The following SYNGR1 variants were observed in gnomAD, a reference collection of about 807,000 sequenced individuals.
The protein encoded by SYNGR1 is synaptogyrin-1.
A neutral mutation model predicts 26.1 loss-of-function variants in SYNGR1; 14 were observed. That is an observed-to-expected ratio of 0.54 (90% CI 0.35 to 0.84). The LOEUF is 0.84. SYNGR1 is among the 40% of genes least tolerant of loss of function. The probability of loss-of-function intolerance (pLI) is 0.01; values close to 1 mark genes in which losing one functional copy is unlikely to be tolerated. For synonymous variants in SYNGR1, 141 were observed against 150.1 expected (o/e 0.94, Z 0.44); for missense variants, 319 against 332.9 (o/e 0.96, Z 0.33).
chr22:39,350,186 CCCCGA>C lies in SYNGR1; in HGVS notation c.99+81_99+85del. 8.1e-6 allele frequency: 2 copies of C among 248,034 alleles called. No individual in the cohort carries two copies. The highest frequency in any genetic ancestry group is 1.1e-5 in the Non-Finnish European group (2 of 178,888). The allele number at this position is 248,034 out of a possible 1,614,324, so 15.4% of individuals were successfully genotyped here. On this transcript the variant is annotated intron_variant, in intron 1 of 3. Coordinates refer to ENST00000328933, the MANE Select transcript of SYNGR1 (RefSeq NM_004711.5). The surrounding 1 kb of genome is among the most constrained non-coding windows in gnomAD (Gnocchi z 4.3). The stretch of plus-strand genomic sequence containing the variant: ...AGCAAAGGCGGCGCGCCCGGACCGA[CCCCGA>C]CCCCGACCCCAACGGGCCCCCGGCG...
At position 39,360,877 on chromosome 22, in the gene SYNGR1, G is replaced by A. The variant is rs573543259; in HGVS notation, c.99+10768G>A. Among the ~76,000 whole-genome samples, 39 of 152,338 alleles carry A rather than the reference G, an allele frequency of 2.6e-4. No individual in the cohort carries two copies. The Middle Eastern group carries it at 0.01, about 40-fold the overall frequency. ...CTGGCAGAGCAGAGACGAGGCTGTC[G>A]CCCCTGCTGGGGTGTACGCTTGGAG... On this transcript the variant is annotated intron_variant, in intron 1 of 3. Transcript: ENST00000328933.
intron 1 of SYNGR1, among the ~76,000 whole-genome samples, chr22:39,367,099 C>G (rs1212730979): frequency 6.6e-6 from 1 of 152,238 alleles, no homozygotes; most frequent in Admixed American, 6.5e-5. Context: ...CCTCCCTGGG[C>G]CCCCAGTCCG....
At chr22:39,366,374 A>G (rs1488559022) in intron 1 of SYNGR1, among the ~76,000 whole-genome samples, 1 of 151,248 alleles carries the variant, frequency 6.6e-6, no homozygotes, top group Non-Finnish European at 1.5e-5. Flanking sequence ...GGCCGGGCAT[A>G]GTGGCTCACG....
intron 1 of SYNGR1, among the ~76,000 whole-genome samples, chr22:39,359,436 A>G (rs535741267): frequency 1.1e-4 from 16 of 150,270 alleles, no homozygotes; most frequent in Non-Finnish European, 2.2e-4. Flanking sequence ...CCTGGCTGAG[A>G]CAGTGAAACC....
At chr22:39,366,470 A>AC (rs1309447852) in intron 1 of SYNGR1, among the ~76,000 whole-genome samples, 2 of 150,408 alleles carry the variant, frequency 1.3e-5, no homozygotes, top group East Asian at 4.0e-4. Context: ...ACATGGTGAA[A>AC]CCCCATCTCT....
At position 39,382,271 on chromosome 22, in the gene SYNGR1, T is replaced by C; in HGVS notation, c.*357T>C. On this transcript the variant is annotated 3_prime_UTR_variant, in exon 4 of 4. Transcript: ENST00000328933. Reference sequence around the variant, plus strand: ...GCCACTGGAAAGGGGAGCGATGAGCTGTGGAGGAAGCCCTGGTGGTACCAG... The same window carrying C: ...GCCACTGGAAAGGGGAGCGATGAGCCGTGGAGGAAGCCCTGGTGGTACCAG... 2.6e-6 allele frequency: 1 copy of C among 389,306 alleles called. No homozygotes were observed. Among genetic ancestry groups the C allele is most frequent in the Non-Finnish European group, 4.9e-6 (1 of 206,104 alleles). 24.1% of individuals were successfully genotyped at this position (389,306 alleles called of 1,614,324 possible).
intron 1 of SYNGR1, among the ~76,000 whole-genome samples, chr22:39,367,419 T>C (rs1175469397): frequency 6.6e-6 from 1 of 151,720 alleles, no homozygotes; most frequent in East Asian, 1.9e-4. Flanking sequence ...GAAAGGGGCC[T>C]GGGGCGTGCA....
At chr22:39,351,185 C>T (rs1375813675) in intron 1 of SYNGR1, among the ~76,000 whole-genome samples, 1 of 152,150 alleles carries the variant, frequency 6.6e-6, no homozygotes, top group Non-Finnish European at 1.5e-5. Flanking sequence ...GCCTGGGGCC[C>T]GTTCCTTGTG....
At position 39,382,219 on chromosome 22, in the gene SYNGR1, G is replaced by A; in HGVS notation, c.*305G>A. Reference sequence around the variant, plus strand: ...CTACTGGGCATCCGGCCTGTGCTGGGCATGGGTGGTGACATTGGCAGAAAT... The same window carrying A: ...CTACTGGGCATCCGGCCTGTGCTGGACATGGGTGGTGACATTGGCAGAAAT... On this transcript the variant is annotated 3_prime_UTR_variant, in exon 4 of 4. Coordinates refer to ENST00000328933, the MANE Select transcript of SYNGR1 (RefSeq NM_004711.5). The A allele has an allele frequency of 2.0e-6, 1 of 505,090 alleles. No individual in the cohort carries two copies. Among genetic ancestry groups the A allele is most frequent in the Non-Finnish European group, 3.6e-6 (1 of 276,706 alleles). 31.3% of individuals were successfully genotyped at this position (505,090 alleles called of 1,614,324 possible).
At chr22:39,378,204 T>G in intron 3 of SYNGR1, 1 of 1,091,770 alleles carries the variant, frequency 9.2e-7, no homozygotes, top group Non-Finnish European at 1.1e-6. Flanking sequence ...TCTGGCTCTG[T>G]CCTCATGTGC....
rs193283840 is a variant in SYNGR1, at chr22:39,353,081, C to T, written c.99+2972C>T. Among the ~76,000 whole-genome samples the T allele has an allele frequency of 2.3e-3, 345 of 152,302 alleles. 2 individuals carry two copies. Among genetic ancestry groups the T allele is most frequent in the African/African-American group, 7.8e-3 (325 of 41,568 alleles). Reference sequence around the variant, plus strand: ...TTCACCATGTTAGCCAGGCTGGTCTCGAACTCCTGACCTCAGGTGATCCAC... The same window carrying T: ...TTCACCATGTTAGCCAGGCTGGTCTTGAACTCCTGACCTCAGGTGATCCAC... On this transcript the variant is annotated intron_variant, in intron 1 of 3. Coordinates refer to ENST00000328933, the MANE Select transcript of SYNGR1 (RefSeq NM_004711.5).
At chr22:39,358,471 A>G (rs1924286469) in intron 1 of SYNGR1, among the ~76,000 whole-genome samples, 1 of 152,130 alleles carries the variant, frequency 6.6e-6, no homozygotes. Context: ...GGTCCACACT[A>G]CTTTTATGAG....
At chr22:39,354,859 CT>C (rs1212524885) in intron 1 of SYNGR1, among the ~76,000 whole-genome samples, 4 of 129,122 alleles carry the variant, frequency 3.1e-5, no homozygotes, top group African/African-American at 1.0e-4. Flanking sequence ...AAAAAAAAAG[CT>C]GAACGTTTTT....
chr22:39,377,252 C>A, intron 3 of SYNGR1: 1 of 985,430 alleles, frequency 1.0e-6, no homozygotes, highest in South Asian at 4.7e-5. Flanking sequence ...GTACACCCAT[C>A]TCCCCAACAA....
rs2145638123 is a variant in SYNGR1 at position 39,384,642 on chromosome 22, C to T, written c.*2728C>T. 1 of 399,024 alleles carries T rather than the reference C, an allele frequency of 2.5e-6. No individual in the cohort carries two copies. Among genetic ancestry groups the T allele is most frequent in the Non-Finnish European group, 4.4e-6 (1 of 226,116 alleles). 24.7% of individuals were successfully genotyped at this position (399,024 alleles called of 1,614,324 possible). A position where few individuals can be genotyped will look rare whatever the true frequency, so the allele number is the denominator to read the frequency against. ...GGGGAACCCCAGGCCCAACTCTGTCCGGTATCCCTTTTCCTCCCAGCTGCC... is the reference window on the plus strand; with the variant it reads ...GGGGAACCCCAGGCCCAACTCTGTCTGGTATCCCTTTTCCTCCCAGCTGCC... On this transcript the variant is annotated 3_prime_UTR_variant, in exon 4 of 4. Transcript: ENST00000328933.
intron 1 of SYNGR1, among the ~76,000 whole-genome samples, chr22:39,368,354 G>T (rs2145621744): frequency 6.6e-6 from 1 of 152,328 alleles, no homozygotes; most frequent in East Asian, 1.9e-4. Context: ...GATTCAGTGG[G>T]CCCAGGTCAT....
chr22:39,380,445 C>T (rs1925460956), intron 3 of SYNGR1, among the ~76,000 whole-genome samples: 1 of 151,936 alleles, frequency 6.6e-6, no homozygotes, highest in South Asian at 2.1e-4. Context: ...ACTCTGTTGC[C>T]CAGGCTGGAT....
At position 39,381,905 on chromosome 22, in the gene SYNGR1, G is replaced by A; in HGVS notation, c.693G>A (p.Gln231=). ...FDTEPQGYQS[Q]GY Reference sequence around the variant, plus strand: ...CCGAGCCCCAGGGCTACCAGTCGCAGGGCTACTGAGCCACAGTGACCGCCT... The same window carrying A: ...CCGAGCCCCAGGGCTACCAGTCGCAAGGCTACTGAGCCACAGTGACCGCCT... Residue 231 remains glutamine (Q), a synonymous_variant, in exon 4 of 4, where the codon CAG becomes CAA. Coordinates refer to ENST00000328933, the MANE Select transcript of SYNGR1 (RefSeq NM_004711.5). 1 of 1,610,688 alleles carries A rather than the reference G, an allele frequency of 6.2e-7. No individual in the cohort carries two copies. The highest frequency in any genetic ancestry group is 8.5e-7 in the Non-Finnish European group (1 of 1,178,960).
chr22:39,377,207 CTTTTTGAGGGCCCCTGGATATCCA>C, intron 3 of SYNGR1: 1 of 1,437,506 alleles, frequency 7.0e-7, no homozygotes, highest in Non-Finnish European at 9.1e-7. Flanking sequence ...ACGTCTTTTT[CTTTTTGAGGGCCCCTGGATATCCA>C]TTTTTGAGGG....
Sources: allele counts gnomAD v4.1 joint callset (sites outside exome capture counted in the v4.1 genomes callset), GRCh38; gene constraint gnomAD v4.1.1; non-coding constraint Gnocchi (gnomAD v3.1); transcripts MANE v1.5; gene names NCBI Gene and HGNC (gene_info 2026-07-23, HGNC 2026-07-21).